DISC1: variants seen among roughly 807,000 people sequenced by gnomAD.
DISC1 encodes disrupted in schizophrenia 1 protein.
In DISC1, 57 loss-of-function variants were observed where a neutral mutation model predicts 84.5. The observed-to-expected ratio is 0.67, with a 90% CI of 0.55 to 0.84. The LOEUF (loss-of-function observed/expected upper bound fraction) is 0.84. DISC1 is among the 40% of genes least tolerant of loss of function. DISC1 has a pLI of 0.00. For missense variants in DISC1, 1,000 were observed against 1,057.8 expected, an observed-to-expected ratio of 0.95 and a Z score of 0.76; for synonymous variants, 411 against 415.2, an observed-to-expected ratio of 0.99 and a Z score of 0.12.
chr1:231,653,299 G>C (rs562786914), intron 1 of DISC1, among the ~76,000 whole-genome samples: 3 of 152,308 alleles, frequency 2.0e-5, no homozygotes, highest in South Asian at 4.1e-4. Flanking sequence ...ATTTGCTGAT[G>C]GTTACCTTGA....
At chr1:231,928,187 A>G (rs1445108324) in intron 9 of DISC1, among the ~76,000 whole-genome samples, 1 of 152,260 alleles carries the variant, frequency 6.6e-6, no homozygotes, top group African/African-American at 2.4e-5. Flanking sequence ...ATCAGACTTG[A>G]TTTCTGCTCT....
chr1:231,773,359 C>G (rs140622971), intron 6 of DISC1, among the ~76,000 whole-genome samples: 2 of 152,070 alleles, frequency 1.3e-5, no homozygotes, highest in Non-Finnish European at 2.9e-5. Context: ...TAATCTAGTG[C>G]TTTGATAGGT....
intron 8 of DISC1, among the ~76,000 whole-genome samples, chr1:231,807,276 G>A (rs373652928): frequency 3.3e-5 from 5 of 152,336 alleles, no homozygotes; most frequent in African/African-American, 7.2e-5. Flanking sequence ...GTCCTGGGAC[G>A]AAGGCTCAGC....
At chr1:231,899,816 A>G (rs2088004697) in intron 9 of DISC1, among the ~76,000 whole-genome samples, 1 of 152,204 alleles carries the variant, frequency 6.6e-6, no homozygotes, top group South Asian at 2.1e-4. Context: ...ATATGGTACA[A>G]ATAGTTTTGT....
At chr1:231,647,873 T>A (rs1414418257) in intron 1 of DISC1, among the ~76,000 whole-genome samples, 1 of 152,198 alleles carries the variant, frequency 6.6e-6, no homozygotes, top group Non-Finnish European at 1.5e-5. Flanking sequence ...CTGTTATTGG[T>A]GTATAGGAAT....
intron 9 of DISC1, among the ~76,000 whole-genome samples, chr1:231,876,891 G>A (rs1364163163): frequency 3.9e-5 from 6 of 152,154 alleles, no homozygotes; most frequent in Non-Finnish European, 8.8e-5. Context: ...TAATGGTAAA[G>A]CAAAGGCTTA....
chr1:231,789,384 T>C (rs886301040), intron 6 of DISC1, among the ~76,000 whole-genome samples: 2 of 152,184 alleles, frequency 1.3e-5, no homozygotes, highest in African/African-American at 4.8e-5. Context: ...AGATGGGCCA[T>C]ATAGGCCCTT....
intron 9 of DISC1, among the ~76,000 whole-genome samples, chr1:231,955,045 T>C (rs1447951108): frequency 2.0e-5 from 3 of 152,222 alleles, no homozygotes; most frequent in Non-Finnish European, 4.4e-5. Context: ...TAGCATTCAG[T>C]TTCTTAACAA....
At chr1:231,893,224 G>T (rs1442709151) in intron 9 of DISC1, among the ~76,000 whole-genome samples, 1 of 151,614 alleles carries the variant, frequency 6.6e-6, no homozygotes, top group African/African-American at 2.4e-5. Flanking sequence ...AAAATCAGAG[G>T]GTACATTGTG....
chr1:231,661,332 G>A (rs531283577), intron 1 of DISC1, among the ~76,000 whole-genome samples: 3 of 152,132 alleles, frequency 2.0e-5, no homozygotes, highest in Non-Finnish European at 4.4e-5. Flanking sequence ...ATCCTGAAGT[G>A]TGATTTCCAA....
chr1:231,949,582 A>G (rs901325322), intron 9 of DISC1, among the ~76,000 whole-genome samples: 3 of 152,104 alleles, frequency 2.0e-5, no homozygotes, highest in African/African-American at 4.8e-5. Context: ...ACTTTGTAAG[A>G]CAGTTGAGGA....
chr1:231,854,856 A>G (rs1288381004), intron 9 of DISC1: 2 of 375,592 alleles, frequency 5.3e-6, no homozygotes, highest in African/African-American at 2.1e-5. Flanking sequence ...AGCTGGGATT[A>G]CAGGTGCCCG....
rs2081863949 is a variant in DISC1 at position 231,826,371 on chromosome 1, T to G, written c.1981+7854T>G. ...AAATACCACACTCATAGATTCATAA[T>G]TACAAAACAAAAGTCTACAAAAAGT... On this transcript the variant is annotated intron_variant, in intron 9 of 12. Coordinates refer to ENST00000439617, the MANE Select transcript of DISC1 (RefSeq NM_018662.3). The surrounding 1 kb of genome is among the most constrained non-coding windows in gnomAD (Gnocchi z 4.2). 6.6e-6 allele frequency among the ~76,000 whole-genome samples: 1 copy of G among 152,202 alleles called. No individual in the cohort carries two copies. Among genetic ancestry groups the G allele is most frequent in the Non-Finnish European group, 1.5e-5 (1 of 68,028 alleles).
At position 231,694,041 on chromosome 1, in the gene DISC1, G is replaced by A. The variant is rs1163195976; in HGVS notation, c.283G>A (p.Val95Ile). Residue 95 changes from valine (V) to isoleucine (I), a missense_variant, in exon 2 of 13, where the codon GTC becomes ATC. By Grantham distance (29) the Val-to-Ile change is conservative. This residue lies in a region of DISC1 where 292 missense variants were observed against 280.2 expected (regional missense o/e 1.04). Transcript: ENST00000439617. ...TGGCCTTGACTCGAGAGGCCTCTTG[G>A]TCCGGAGCCCTGTTTCCAAGAGTGC... ...QCGLDSRGLL[V>I]RSPVSKSAAA... is the part of the protein sequence containing the mutation. 20 of 1,614,182 alleles carry A rather than the reference G, an allele frequency of 1.2e-5. No individual in the cohort carries two copies. Among genetic ancestry groups the A allele is most frequent in the Non-Finnish European group, 1.7e-5 (20 of 1,180,026 alleles).
intron 10 of DISC1, among the ~76,000 whole-genome samples, chr1:231,964,451 T>C (rs181800863): frequency 6.6e-6 from 1 of 152,266 alleles, no homozygotes; most frequent in African/African-American, 2.4e-5. Context: ...GGAGGGCTCT[T>C]TTCATGCTAT....
chr1:231,783,881 C>A (rs1397292190), intron 6 of DISC1, among the ~76,000 whole-genome samples: 1 of 152,156 alleles, frequency 6.6e-6, no homozygotes, highest in Non-Finnish European at 1.5e-5. Flanking sequence ...TCCTTACGTT[C>A]ATTTTTTTCT....
At chr1:231,846,729 AGAAACAG>A (rs1419194576) in intron 9 of DISC1, among the ~76,000 whole-genome samples, 1 of 152,250 alleles carries the variant, frequency 6.6e-6, no homozygotes, top group Non-Finnish European at 1.5e-5. Context: ...TGAAACCAGA[AGAAACAG>A]CATGAGTTTT....
chr1:231,947,217 T>G (rs921064762), intron 9 of DISC1, among the ~76,000 whole-genome samples: 1 of 149,038 alleles, frequency 6.7e-6, no homozygotes, highest in Admixed American at 6.7e-5. Context: ...TACTACAAGC[T>G]TACAGTAACC....
At chr1:231,655,255 C>T (rs535414993) in intron 1 of DISC1, among the ~76,000 whole-genome samples, 67 of 152,242 alleles carry the variant, frequency 4.4e-4, no homozygotes, top group Non-Finnish European at 8.4e-4. Context: ...CTCCCACACT[C>T]CCCTATTCTG....
Sources: allele counts gnomAD v4.1 joint callset (sites outside exome capture counted in the v4.1 genomes callset), GRCh38; gene constraint gnomAD v4.1.1; regional missense constraint gnomAD v4.1.1; non-coding constraint Gnocchi (gnomAD v3.1); transcripts MANE v1.5; gene names NCBI Gene and HGNC (gene_info 2026-07-23, HGNC 2026-07-21).